RPL19: variants seen among roughly 807,000 people sequenced by gnomAD.
RPL19 encodes the protein large ribosomal subunit protein eL19.
Under a neutral mutation model 25.1 loss-of-function variants are expected in RPL19, and 2 were observed. The ratio of observed to expected loss-of-function variants is 0.08; its 90% CI spans 0.03 to 0.25. The LOEUF (loss-of-function observed/expected upper bound fraction) is 0.25, where lower values mean the gene tolerates loss of function less well. Among genes scored for constraint, RPL19 ranks in the 10% least tolerant of loss-of-function variants. The pLI is 1.00. For synonymous variants in RPL19, 89 were observed against 91.2 expected, an observed-to-expected ratio of 0.98 and a Z score of 0.14; for missense variants, 123 against 271.8, an observed-to-expected ratio of 0.45 and a Z score of 3.85.
At chr17:39,201,150 G>T in intron 1 of RPL19, 63 bp from the exon 2 acceptor site, 1 of 1,080,720 alleles carries the variant, frequency 9.3e-7, no homozygotes, top group South Asian at 1.3e-5. Context: ...AGGTCTTGAT[G>T]GGGACGTTCA....
At chr17:39,201,821 C>G (rs139145891) in intron 2 of RPL19, among the ~76,000 whole-genome samples, 2 of 152,330 alleles carry the variant, frequency 1.3e-5, no homozygotes, top group African/African-American at 2.4e-5. Flanking sequence ...ATCCATCCAC[C>G]TCAGCCTCCC....
Position 39,204,192 on chromosome 17 carries a change from G to A in RPL19, c.467+5G>A. ...GGCCCGCAAGAAGCTCCTGGCGTAA[G>A]TTTCTTTTCAGAGTCTTAGGGGAAC... is the stretch of plus-strand genomic sequence containing the variant. On this transcript the variant is annotated splice_donor_5th_base_variant and intron_variant, in intron 5 of 5. Coordinates refer to ENST00000225430, the MANE Select transcript of RPL19 (RefSeq NM_000981.4). 4 of 1,573,738 alleles carry A rather than the reference G, an allele frequency of 2.5e-6. No homozygotes were observed. In the South Asian group the frequency reaches 3.3e-5, roughly 13 times the overall value.
rs2046312066 is a variant in RPL19, at chr17:39,204,626, A to G, written c.569A>G (p.Lys190Arg). The stretch of plus-strand genomic sequence containing the variant: ...GAGGAGATCATCAAGACTTTATCCA[A>G]GGAGGAAGAGACCAAGAAATAAAAC... ...KKEEIIKTLS[K>R]EEETKK The change falls in exon 6 of 6, where the codon AAG (lysine) becomes AGG (arginine). Residue 190 changes from lysine to arginine, a missense_variant. Physicochemically the swap from Lys to Arg is conservative, Grantham distance 26. Transcript: ENST00000225430. 1 of 1,614,072 alleles carries G rather than the reference A, an allele frequency of 6.2e-7. No individual in the cohort carries two copies.
At chr17:39,203,137 C>G (rs751203517) in intron 4 of RPL19, 28 bp downstream of exon 4, 1 of 1,558,522 alleles carries the variant, frequency 6.4e-7, no homozygotes, top group Middle Eastern at 1.7e-4. Flanking sequence ...GGCCCAGTAC[C>G]CATTTGCTGC....
chr17:39,204,263 A>C (rs2046309685), intron 5 of RPL19, 76 bp downstream of exon 5: 10 of 990,736 alleles, frequency 1.0e-5, no homozygotes. Context: ...AAAATGTGCC[A>C]ATGCCTAAGT....
intron 2 of RPL19, among the ~76,000 whole-genome samples, chr17:39,202,052 G>A (rs2046293975): frequency 6.6e-6 from 1 of 152,178 alleles, no homozygotes; most frequent in Admixed American, 6.5e-5. Flanking sequence ...GGAGGATCAT[G>A]AGCCCAGAAA....
chr17:39,200,750 T>C (rs1206214593), intron 1 of RPL19: 2 of 1,051,788 alleles, frequency 1.9e-6, no homozygotes, highest in Non-Finnish European at 2.3e-6. Context: ...AGAGGTGATC[T>C]CTAACTCTTG....
At chr17:39,204,431 C>G (rs1030225390) in intron 5 of RPL19, 94 bp from the exon 6 acceptor site, 11 of 1,478,350 alleles carry the variant, frequency 7.4e-6, no homozygotes, top group Admixed American at 1.9e-5. Context: ...CAGAAGCTGA[C>G]TAGGCTCAAA....
intron 1 of RPL19, chr17:39,200,751 C>G (rs1290901106): frequency 5.7e-6 from 6 of 1,051,520 alleles, no homozygotes; most frequent in Non-Finnish European, 6.9e-6. Flanking sequence ...GAGGTGATCT[C>G]TAACTCTTGA....
intron 3 of RPL19, chr17:39,202,651 C>T (rs1323439981): frequency 8.0e-5 from 50 of 623,660 alleles, no homozygotes; most frequent in Non-Finnish European, 1.3e-4. Context: ...AAGTCCCTAC[C>T]TACACTATGC....
intron 4 of RPL19, 65 bp downstream of exon 4, chr17:39,203,174 A>AGTTTTT (rs2046302465): frequency 4.0e-6 from 2 of 499,594 alleles, no homozygotes; most frequent in Non-Finnish European, 5.7e-6. Context: ...TTTCCCAGAG[A>AGTTTTT]TTTTTTTTTT....
At chr17:39,204,262 C>T (rs1046931513) in intron 5 of RPL19, 75 bp downstream of exon 5, 2 of 1,001,318 alleles carry the variant, frequency 2.0e-6, no homozygotes, top group Non-Finnish European at 3.2e-6. Context: ...TAAAATGTGC[C>T]AATGCCTAAG....
In RPL19 at chr17:39,203,174, ATTTTTTTTTTTT is replaced by A. The variant is rs59332263; in HGVS notation, c.356+79_356+90del. The A allele has an allele frequency of 3.5e-5, 21 of 596,132 alleles. No homozygotes were observed. In the East Asian group the frequency reaches 7.8e-4, roughly 22 times the overall value. 36.9% of individuals were successfully genotyped at this position (596,132 alleles called of 1,614,324 possible). ...TTGATGGCTAGTTCATTTCCCAGAG[ATTTTTTTTTTTT>A]TTTTTTTTTTTTTGAGATGGAGTCT... On this transcript the variant is annotated intron_variant, in intron 4 of 5. Transcript: ENST00000225430.
At chr17:39,203,953 T>C in intron 4 of RPL19, 124 bp from the exon 5 acceptor site, 2 of 622,126 alleles carry the variant, frequency 3.2e-6, no homozygotes. Flanking sequence ...AGGAAGTAAT[T>C]CATGCAGCAA....
chr17:39,200,756 T>C, intron 1 of RPL19: 1 of 1,050,826 alleles, frequency 9.5e-7, no homozygotes, highest in South Asian at 3.8e-5. Flanking sequence ...GATCTCTAAC[T>C]CTTGACTCCA....
Position 39,204,678 on chromosome 17 carries a change from C to A in RPL19, c.*30C>A. The A allele has an allele frequency of 6.2e-7, 1 of 1,603,208 alleles. No homozygotes were observed. The highest frequency in any genetic ancestry group is 1.1e-5 in the South Asian group (1 of 90,192). ...TCCCACTTTGTCTGTACATACTGGCCTCTGTGATTACATAGATCAGCCATT... is the reference window on the plus strand; with the variant it reads ...TCCCACTTTGTCTGTACATACTGGCATCTGTGATTACATAGATCAGCCATT... On this transcript the variant is annotated 3_prime_UTR_variant, in exon 6 of 6. Coordinates refer to ENST00000225430, the MANE Select transcript of RPL19 (RefSeq NM_000981.4).
intron 5 of RPL19, 144 bp from the exon 6 acceptor site, chr17:39,204,381 A>G: frequency 9.8e-7 from 1 of 1,019,584 alleles, no homozygotes; most frequent in South Asian, 1.5e-5. Context: ...ACTAGAGGTT[A>G]GTTGAAGCAG....
intron 5 of RPL19, 49 bp downstream of exon 5, chr17:39,204,236 G>A (rs749284387): frequency 3.1e-5 from 37 of 1,189,980 alleles, no homozygotes; most frequent in Non-Finnish European, 4.5e-5. Flanking sequence ...ACCTTTGAGA[G>A]TTGTTCTTAG....
At chr17:39,200,743 G>A (rs1485291167) in intron 1 of RPL19, 3 of 1,054,688 alleles carry the variant, frequency 2.8e-6, no homozygotes, top group South Asian at 3.9e-5. Context: ...TGCCGAGAGA[G>A]GTGATCTCTA....
Sources: allele counts gnomAD v4.1 joint callset (sites outside exome capture counted in the v4.1 genomes callset), GRCh38; gene constraint gnomAD v4.1.1; transcripts MANE v1.5; gene names NCBI Gene and HGNC (gene_info 2026-07-23, HGNC 2026-07-21).